The following TRAFD1 variants were observed in gnomAD, a reference collection of about 807,000 sequenced individuals.
The protein encoded by TRAFD1 is TRAF-type zinc finger domain-containing protein 1.
A neutral mutation model predicts 65.3 loss-of-function variants in TRAFD1; 38 were observed. That is an observed-to-expected ratio of 0.58 (90% CI 0.45 to 0.76). The LOEUF is 0.76. Ranked by LOEUF, TRAFD1 falls within the 30% of genes least tolerant of loss-of-function variation. TRAFD1 has a pLI of 0.00. For synonymous variants in TRAFD1, 223 were observed against 257.2 expected (o/e 0.87, Z 1.27); for missense variants, 631 against 712.6 (o/e 0.89, Z 1.30).
chr12:112,147,824 C>A (rs919471130), intron 7 of TRAFD1, among the ~76,000 whole-genome samples: 5 of 152,076 alleles, frequency 3.3e-5, no homozygotes, highest in African/African-American at 4.8e-5. Flanking sequence ...CCAAGTGCCA[C>A]CACGCCCGGC....
chr12:112,147,974 T>G, intron 7 of TRAFD1, 100 bp from the exon 8 acceptor site: 1 of 1,155,938 alleles, frequency 8.7e-7, no homozygotes, highest in Non-Finnish European at 1.2e-6. Flanking sequence ...CGGCCAAGCA[T>G]TGTTAAAATT....
rs575481062 is a variant in TRAFD1 at position 112,153,172 on chromosome 12, G to C, written c.*381G>C. On this transcript the variant is annotated 3_prime_UTR_variant, in exon 12 of 12. Transcript: ENST00000412615. ...CACCAGTAAGGTGATTCTCTGCCCT[G>C]TTGGGGCCTAAATTTGGGGGCTTTT... 3 of 196,294 alleles carry C rather than the reference G, an allele frequency of 1.5e-5. No individual in the cohort carries two copies. In the South Asian group the frequency reaches 3.4e-4, roughly 22 times the overall value. 12.2% of individuals were successfully genotyped at this position (196,294 alleles called of 1,614,324 possible).
intron 7 of TRAFD1, 79 bp downstream of exon 7, chr12:112,145,741 T>G: frequency 7.9e-7 from 1 of 1,272,348 alleles, no homozygotes; most frequent in Non-Finnish European, 1.1e-6. Flanking sequence ...CATGAGGCCT[T>G]GAACAAATCA....
intron 1 of TRAFD1, among the ~76,000 whole-genome samples, chr12:112,128,917 TG>T (rs2079553596): frequency 6.6e-6 from 1 of 151,222 alleles, no homozygotes. Flanking sequence ...GGTGCACACC[TG>T]TGGTCCCAGC....
At chr12:112,150,046 G>A (rs571254718) in intron 9 of TRAFD1, among the ~76,000 whole-genome samples, 175 bp downstream of exon 9, 1 of 152,326 alleles carries the variant, frequency 6.6e-6, no homozygotes, top group South Asian at 2.1e-4. Context: ...ATTAGACTGA[G>A]CTCTCTCAAG....
rs1209163314 is a variant in TRAFD1 at position 112,153,250 on chromosome 12, T to A, written c.*459T>A. 6.3e-6 allele frequency: 1 copy of A among 158,092 alleles called. No homozygotes were observed. The highest frequency in any genetic ancestry group is 1.4e-5 in the Non-Finnish European group (1 of 71,626). The allele number at this position is 158,092 out of a possible 1,614,324, so 9.8% of individuals were successfully genotyped here. On this transcript the variant is annotated 3_prime_UTR_variant, in exon 12 of 12. Coordinates refer to ENST00000412615, the MANE Select transcript of TRAFD1 (RefSeq NM_006700.3). ...TCCACACTCGATTGGGCCCCAGGTG[T>A]GTATGAGGCGCTCTGGTAAGGTGCT...
chr12:112,148,316 T>C lies in TRAFD1; in HGVS notation c.1158+12T>C. ...TGTTCCATCACCAGGTAAGGGTCCC[T>C]GGAGTCCCTGTCCATGTGGCTCTGT... is the stretch of plus-strand genomic sequence containing the variant. On this transcript the variant is annotated intron_variant, in intron 8 of 11. Transcript: ENST00000412615. 6.2e-7 allele frequency: 1 copy of C among 1,611,666 alleles called. No homozygotes were observed. Among genetic ancestry groups the C allele is most frequent in the Non-Finnish European group, 8.5e-7 (1 of 1,177,928 alleles).
rs1397945711 is a variant in TRAFD1, at chr12:112,141,108, A to AC, written c.530dup (p.Pro178ThrfsTer13). 2 of 1,614,136 alleles carry AC rather than the reference A, an allele frequency of 1.2e-6. No individual in the cohort carries two copies. The highest frequency in any genetic ancestry group is 1.7e-6 in the Non-Finnish European group (2 of 1,180,004). Reference sequence around the variant, plus strand: ...CTCCTCAGACAAATTGAGGCTCTGGACCCACCCATGAGGCTGCCGCGAAGG... The same window carrying AC: ...CTCCTCAGACAAATTGAGGCTCTGGACCCCACCCATGAGGCTGCCGCGAAGG... On this transcript the variant is annotated frameshift_variant, in exon 5 of 12. Coordinates refer to ENST00000412615, the MANE Select transcript of TRAFD1 (RefSeq NM_006700.3). LOFTEE classifies it high-confidence loss of function.
rs1392541957 is a variant in TRAFD1 at position 112,134,870 on chromosome 12, T to C, written c.180T>C (p.Cys60=). Residue 60 remains cysteine, a synonymous_variant, in exon 3 of 12, where the codon TGT becomes TGC. Transcript: ENST00000412615. The part of the protein sequence containing the change: ...DMETHMAAEH[C]QVTCKCNKKL... The stretch of plus-strand genomic sequence containing the variant: ...AGACTCACATGGCTGCAGAACACTG[T>C]CAGGTGAGCCACCAAGTACTCAAAT... 6.2e-7 allele frequency: 1 copy of C among 1,612,682 alleles called. No individual in the cohort carries two copies. The highest frequency in any genetic ancestry group is 1.1e-5 in the South Asian group (1 of 91,078).
chr12:112,137,091 C>T lies in TRAFD1; in HGVS notation c.237+2025C>T, dbSNP rs1235974853. Among the ~76,000 whole-genome samples the T allele has an allele frequency of 1.3e-5, 2 of 152,076 alleles. No individual in the cohort carries two copies. Among genetic ancestry groups the T allele is most frequent in the Non-Finnish European group, 2.9e-5 (2 of 68,024 alleles). On this transcript the variant is annotated intron_variant, in intron 4 of 11. Transcript: ENST00000412615. This position sits in a 1 kb window ranked among gnomAD's most constrained non-coding sequence, Gnocchi z 4.2. ...TACAAAAATTAGCTGGGCGTGGATA[C>T]GCACGTCTGAAATCCCAGCTACTCA...
intron 7 of TRAFD1, among the ~76,000 whole-genome samples, chr12:112,146,949 T>C (rs1438987926): frequency 1.3e-5 from 2 of 151,908 alleles, no homozygotes; most frequent in Non-Finnish European, 2.9e-5. Context: ...AGCAAATAGC[T>C]TTATGTGTTT....
intron 6 of TRAFD1, among the ~76,000 whole-genome samples, chr12:112,142,536 C>T (rs536008658): frequency 6.6e-6 from 1 of 151,962 alleles, no homozygotes; most frequent in East Asian, 2.0e-4. Context: ...GTGCCTCTGC[C>T]TCCCAAGTAG....
At chr12:112,131,716 C>T (rs1015547584) in intron 2 of TRAFD1, among the ~76,000 whole-genome samples, 5 of 152,050 alleles carry the variant, frequency 3.3e-5, no homozygotes, top group Admixed American at 6.5e-5. Context: ...TCATTTTCTC[C>T]GAAGGTAGGA....
chr12:112,131,381 C>T (rs1329610023), intron 2 of TRAFD1, among the ~76,000 whole-genome samples: 1 of 151,872 alleles, frequency 6.6e-6, no homozygotes, highest in African/African-American at 2.4e-5. Context: ...AAGCCTAGGA[C>T]AAAATATAAA....
intron 7 of TRAFD1, among the ~76,000 whole-genome samples, chr12:112,146,461 T>C (rs982643629): frequency 6.6e-6 from 1 of 152,192 alleles, no homozygotes; most frequent in African/African-American, 2.4e-5. Flanking sequence ...GGTGCACATA[T>C]ATCTCCACTA....
rs551132311 is a variant in TRAFD1 at position 112,147,338 on chromosome 12, G to A, written c.928-736G>A. ...TTCCCTCAATACTCTGATTTGGTTT[G>A]GCCTAGTCTGGCATTTCCACAACTA... On this transcript the variant is annotated intron_variant, in intron 7 of 11. Transcript: ENST00000412615. 2.0e-5 allele frequency among the ~76,000 whole-genome samples: 3 copies of A among 152,096 alleles called. No individual in the cohort carries two copies. In the East Asian group the frequency reaches 5.8e-4, roughly 29 times the overall value.
chr12:112,144,428 G>GC (rs1359608864), intron 6 of TRAFD1, among the ~76,000 whole-genome samples: 1 of 152,072 alleles, frequency 6.6e-6, no homozygotes, highest in East Asian at 1.9e-4. Context: ...GTACCACCAT[G>GC]CCCGCCTAAT....
intron 7 of TRAFD1, among the ~76,000 whole-genome samples, chr12:112,147,578 TA>T (rs1009888779): frequency 5.9e-5 from 9 of 151,982 alleles, no homozygotes; most frequent in South Asian, 4.2e-4. Flanking sequence ...TGAACACACT[TA>T]AAAAAAACCA....
At chr12:112,135,984 A>T (rs938895687) in intron 4 of TRAFD1, among the ~76,000 whole-genome samples, 1 of 151,714 alleles carries the variant, frequency 6.6e-6, no homozygotes, top group Non-Finnish European at 1.5e-5. Context: ...TCTGTTAAAA[A>T]TACAACAATT....
Sources: allele counts gnomAD v4.1 joint callset (sites outside exome capture counted in the v4.1 genomes callset), GRCh38; gene constraint gnomAD v4.1.1; non-coding constraint Gnocchi (gnomAD v3.1); transcripts MANE v1.5; gene names NCBI Gene and HGNC (gene_info 2026-07-23, HGNC 2026-07-21).